BRINP2: variants seen among roughly 807,000 people sequenced by gnomAD.
BRINP2 encodes the protein BMP/retinoic acid inducible neural specific 2.
A neutral mutation model predicts 69.2 loss-of-function variants in BRINP2; 21 were observed. The observed-to-expected ratio is 0.30, with a 90% CI of 0.22 to 0.44. BRINP2 has a LOEUF of 0.44. Among genes scored for constraint, BRINP2 ranks in the 20% least tolerant of loss-of-function variants. The pLI, the probability that BRINP2 is intolerant of heterozygous loss-of-function variation, is 1.00. For synonymous variants in BRINP2, 380 were observed against 394.1 expected (o/e 0.96, Z 0.42); for missense variants, 877 against 986.0 (o/e 0.89, Z 1.48).
intron 4 of BRINP2, 85 bp from the exon 5 acceptor site, chr1:177,273,403 C>A: frequency 1.2e-6 from 1 of 843,608 alleles, no homozygotes. Context: ...GATGTGGAAC[C>A]TGAGATGGAG....
chr1:177,277,788 C>T (rs984512932), intron 6 of BRINP2, among the ~76,000 whole-genome samples: 19 of 151,988 alleles, frequency 1.3e-4, no homozygotes, highest in African/African-American at 4.6e-4. Flanking sequence ...TAAATCAGGG[C>T]TCTCTAGACC....
At chr1:177,212,271 C>A (rs903172534) in intron 1 of BRINP2, among the ~76,000 whole-genome samples, 1 of 152,116 alleles carries the variant, frequency 6.6e-6, no homozygotes. Context: ...TTAGGCCAGG[C>A]GCGGTGGCTC....
intron 1 of BRINP2, among the ~76,000 whole-genome samples, chr1:177,180,322 G>A (rs1048228277): frequency 3.9e-5 from 6 of 152,128 alleles, no homozygotes; most frequent in Non-Finnish European, 8.8e-5. Flanking sequence ...GGTGACTTTT[G>A]GGTAAGACAA....
chr1:177,270,177 C>G (rs568849569), intron 4 of BRINP2, among the ~76,000 whole-genome samples: 2 of 152,210 alleles, frequency 1.3e-5, no homozygotes, highest in South Asian at 4.2e-4. Context: ...ATTCTTTTCA[C>G]CTCCTTTACT....
chr1:177,255,544 T>C (rs768477074), intron 2 of BRINP2, among the ~76,000 whole-genome samples: 6 of 152,252 alleles, frequency 3.9e-5, no homozygotes, highest in Non-Finnish European at 8.8e-5. Context: ...ATGTGACTCA[T>C]TCACGGTAAG....
intron 1 of BRINP2, among the ~76,000 whole-genome samples, chr1:177,200,041 C>T (rs1648856337): frequency 6.6e-6 from 1 of 152,018 alleles, no homozygotes; most frequent in African/African-American, 2.4e-5. Context: ...CCTGTAATCC[C>T]AGCACTTTGG....
chr1:177,184,339 T>C (rs1648364182), intron 1 of BRINP2, among the ~76,000 whole-genome samples: 2 of 152,152 alleles, frequency 1.3e-5, no homozygotes, highest in African/African-American at 4.8e-5. Context: ...CTTTGTTTCA[T>C]CTAACTTTTT....
In BRINP2 at chr1:177,222,245, C is replaced by T. The variant is rs190590350; in HGVS notation, c.-76-7556C>T. Reference sequence around the variant, plus strand: ...TGGACTCTTTTTAGTGCTAATAACCCCTGTTGGAGCAATGGAAAAAATAAT... The same window carrying T: ...TGGACTCTTTTTAGTGCTAATAACCTCTGTTGGAGCAATGGAAAAAATAAT... On this transcript the variant is annotated intron_variant, in intron 1 of 7. Transcript: ENST00000361539. 7.2e-4 allele frequency among the ~76,000 whole-genome samples: 110 copies of T among 152,206 alleles called. 1 individual carries two copies. The highest frequency in any genetic ancestry group is 1.6e-3 in the Admixed American group (24 of 15,296).
rs563943284 is a variant in BRINP2, at chr1:177,171,189, A to C, written c.-620A>C. Among the ~76,000 whole-genome samples, 2 of 152,306 alleles carry C rather than the reference A, an allele frequency of 1.3e-5. No individual in the cohort carries two copies. Among genetic ancestry groups the C allele is most frequent in the Admixed American group, 1.3e-4 (2 of 15,310 alleles). ...GCAGCCGAGGGAGCGGTGAAGCCGG[A>C]AGACCTGTCTCTGCCCATGTGCAAG... On this transcript the variant is annotated 5_prime_UTR_variant, in exon 1 of 8. Transcript: ENST00000361539.
chr1:177,265,780 T>C (rs1437442067), intron 4 of BRINP2, among the ~76,000 whole-genome samples: 2 of 152,118 alleles, frequency 1.3e-5, no homozygotes, highest in Non-Finnish European at 2.9e-5. Flanking sequence ...CTAAAATTGT[T>C]GCACAATTAA....
intron 1 of BRINP2, among the ~76,000 whole-genome samples, chr1:177,187,216 C>T (rs1405548075): frequency 7.1e-6 from 1 of 141,596 alleles, no homozygotes; most frequent in East Asian, 2.1e-4. Context: ...GTTTCCTGCC[C>T]TAGCATATTG....
At position 177,281,027 on chromosome 1, in the gene BRINP2, C is replaced by A; in HGVS notation, c.1851C>A (p.Asn617Lys). 1 of 1,614,204 alleles carries A rather than the reference C, an allele frequency of 6.2e-7. No homozygotes were observed. Among genetic ancestry groups the A allele is most frequent in the Non-Finnish European group, 8.5e-7 (1 of 1,180,044 alleles). Residue 617 changes from asparagine to lysine, a missense_variant, in exon 8 of 8, where the codon AAC becomes AAA. This residue lies in a region of BRINP2 where 225 missense variants were observed against 218.7 expected (regional missense o/e 1.03). Coordinates refer to ENST00000361539, the MANE Select transcript of BRINP2 (RefSeq NM_021165.4). ...GCTTTCCTGACTGGGAAAGGACTAA[C>A]GTGGATGCAGCTGCCCAGTGCCAAA... ...EGSFPDWERT[N>K]VDAAAQCQNW...
chr1:177,198,075 G>A (rs1648796500), intron 1 of BRINP2, among the ~76,000 whole-genome samples: 1 of 152,220 alleles, frequency 6.6e-6, no homozygotes, highest in Non-Finnish European at 1.5e-5. Context: ...CTAGGAAGCT[G>A]TTGCATGATC....
intron 2 of BRINP2, among the ~76,000 whole-genome samples, chr1:177,253,184 T>A (rs146388943): frequency 1.6e-4 from 25 of 152,288 alleles, no homozygotes; most frequent in Admixed American, 2.0e-4. Context: ...AGAGTTCCCC[T>A]TTCTCTGCAT....
At position 177,176,983 on chromosome 1, in the gene BRINP2, TTG is replaced by T. The variant is rs556350026; in HGVS notation, c.-77+5253_-77+5254del. Reference sequence around the variant, plus strand: ...CAATAGTGGGATCAGCTGGGTATGTTTGTCTTTCAAATTTCCTCCTTTCTTTT... The same window carrying T: ...CAATAGTGGGATCAGCTGGGTATGTTTCTTTCAAATTTCCTCCTTTCTTTT... On this transcript the variant is annotated intron_variant, in intron 1 of 7. Coordinates refer to ENST00000361539, the MANE Select transcript of BRINP2 (RefSeq NM_021165.4). 6.6e-5 allele frequency among the ~76,000 whole-genome samples: 10 copies of T among 152,330 alleles called. No individual in the cohort carries two copies. The East Asian group carries it at 1.9e-3, about 29-fold the overall frequency.
intron 2 of BRINP2, among the ~76,000 whole-genome samples, chr1:177,244,509 C>T (rs999328239): frequency 3.3e-5 from 5 of 152,206 alleles, no homozygotes; most frequent in Middle Eastern, 3.4e-3. Flanking sequence ...ATGTGCCTGT[C>T]GTCCCAGCTA....
chr1:177,202,733 T>C (rs1327646901), intron 1 of BRINP2, among the ~76,000 whole-genome samples: 1 of 152,148 alleles, frequency 6.6e-6, no homozygotes, highest in African/African-American at 2.4e-5. Flanking sequence ...AAAATGCTCA[T>C]CATCACTGGT....
intron 1 of BRINP2, among the ~76,000 whole-genome samples, chr1:177,222,759 G>T (rs1240180236): frequency 6.6e-6 from 1 of 151,860 alleles, no homozygotes; most frequent in Non-Finnish European, 1.5e-5. Flanking sequence ...TGAGGCAAAA[G>T]TGTTGGAACC....
intron 1 of BRINP2, among the ~76,000 whole-genome samples, chr1:177,177,315 C>T (rs973363903): frequency 6.6e-6 from 1 of 151,924 alleles, no homozygotes; most frequent in East Asian, 1.9e-4. Flanking sequence ...ACAACAACAA[C>T]AACAACAAAA....
Sources: allele counts gnomAD v4.1 joint callset (sites outside exome capture counted in the v4.1 genomes callset), GRCh38; gene constraint gnomAD v4.1.1; regional missense constraint gnomAD v4.1.1; transcripts MANE v1.5; gene names NCBI Gene and HGNC (gene_info 2026-07-23, HGNC 2026-07-21).